Variants in ADCK1 observed in about 807,000 individuals in gnomAD.
ADCK1 encodes the protein aarF domain-containing protein kinase 1.
In ADCK1, 41 loss-of-function variants were observed where a neutral mutation model predicts 52.3. The observed-to-expected ratio is 0.78, with a 90% CI of 0.61 to 1.02. The LOEUF is 1.02. Among genes scored for constraint, ADCK1 ranks in the 50% least tolerant of loss-of-function variants. ADCK1 has a pLI of 0.00. For missense variants in ADCK1, 658 were observed against 679.5 expected (o/e 0.97, Z 0.35); for synonymous variants, 250 against 274.6 (o/e 0.91, Z 0.89).
intron 2 of ADCK1, 21 bp downstream of exon 2, chr14:77,819,134 G>C: frequency 1.9e-6 from 3 of 1,613,256 alleles, no homozygotes; most frequent in Non-Finnish European, 2.5e-6. Context: ...CCCTTTTGGG[G>C]GTAGCAGAGA....
chr14:77,837,964 G>T (rs1182902340), intron 3 of ADCK1, among the ~76,000 whole-genome samples: 1 of 152,162 alleles, frequency 6.6e-6, no homozygotes, highest in Non-Finnish European at 1.5e-5. Context: ...GGAATAGCAG[G>T]GCTAGATGGA....
At chr14:77,824,833 T>C (rs79897662) in intron 3 of ADCK1, among the ~76,000 whole-genome samples, 5,525 of 152,330 alleles carry the variant, frequency 0.036, 144 homozygotes, top group Non-Finnish European at 0.054. Context: ...TTTAAAAGTC[T>C]ATAACATTTC....
At position 77,895,852 on chromosome 14, in the gene ADCK1, G is replaced by A. The variant is rs904343388; in HGVS notation, c.583-3248G>A. On this transcript the variant is annotated intron_variant, in intron 5 of 10. Transcript: ENST00000238561. ...TATGTATGTTCATTTTCTGGGCTTCGTAGCGGGTATCAAGTTTTAAAATTG... is the reference window on the plus strand; with the variant it reads ...TATGTATGTTCATTTTCTGGGCTTCATAGCGGGTATCAAGTTTTAAAATTG... 3.3e-5 allele frequency among the ~76,000 whole-genome samples: 5 copies of A among 152,030 alleles called. No individual in the cohort carries two copies. The East Asian group carries it at 5.8e-4, about 18-fold the overall frequency.
intron 3 of ADCK1, among the ~76,000 whole-genome samples, chr14:77,835,412 G>C (rs1392732700): frequency 6.6e-6 from 1 of 152,130 alleles, no homozygotes; most frequent in Admixed American, 6.5e-5. Flanking sequence ...CAGTATTTTG[G>C]ATTCATTGTT....
chr14:77,864,913 A>G (rs1316613040), intron 4 of ADCK1, among the ~76,000 whole-genome samples: 1 of 152,180 alleles, frequency 6.6e-6, no homozygotes, highest in East Asian at 1.9e-4. Flanking sequence ...TGTTCTGTTC[A>G]GACCCTTATC....
chr14:77,892,658 T>G (rs1490086480), intron 5 of ADCK1, among the ~76,000 whole-genome samples: 1 of 147,758 alleles, frequency 6.8e-6, no homozygotes, highest in African/African-American at 2.5e-5. Context: ...AAAAAAGAGA[T>G]CCCTAGCAGA....
At chr14:77,879,693 G>T (rs1267921445) in intron 4 of ADCK1, among the ~76,000 whole-genome samples, 2 of 152,212 alleles carry the variant, frequency 1.3e-5, no homozygotes, top group Non-Finnish European at 2.9e-5. Flanking sequence ...AGCTGCATGT[G>T]TAGGCTGGAT....
chr14:77,875,622 G>A (rs146365490), intron 4 of ADCK1, among the ~76,000 whole-genome samples: 23 of 152,252 alleles, frequency 1.5e-4, no homozygotes, highest in African/African-American at 2.9e-4. Flanking sequence ...CGTCAGCCAC[G>A]AAGTCCTCAT....
chr14:77,920,577 G>A (rs1266797135), intron 7 of ADCK1, among the ~76,000 whole-genome samples: 1 of 152,152 alleles, frequency 6.6e-6, no homozygotes, highest in Non-Finnish European at 1.5e-5. Flanking sequence ...CTTTGGCTAT[G>A]TGGACTTGCC....
In ADCK1 at chr14:77,895,442, A is replaced by G. The variant is rs17106555; in HGVS notation, c.583-3658A>G. On this transcript the variant is annotated intron_variant, in intron 5 of 10. Coordinates refer to ENST00000238561, the MANE Select transcript of ADCK1 (RefSeq NM_020421.4). Reference sequence around the variant, plus strand: ...ATTCATTCATTCATGTGAGTATTCAATAAACATCTGTGGAGTGTTGAGTAG... The same window carrying G: ...ATTCATTCATTCATGTGAGTATTCAGTAAACATCTGTGGAGTGTTGAGTAG... Among the ~76,000 whole-genome samples the G allele has an allele frequency of 7.1e-3, 1,081 of 152,378 alleles. 14 individuals are homozygous for G. Among genetic ancestry groups the G allele is most frequent in the African/African-American group, 0.025 (1,034 of 41,592 alleles).
chr14:77,850,843 G>A (rs749856481), intron 3 of ADCK1, among the ~76,000 whole-genome samples: 4 of 151,036 alleles, frequency 2.6e-5, no homozygotes, highest in Non-Finnish European at 3.0e-5. Context: ...TTTTAGTAGC[G>A]ATGTGGTTTC....
intron 3 of ADCK1, among the ~76,000 whole-genome samples, chr14:77,833,964 G>A (rs2081909782): frequency 2.0e-5 from 3 of 152,128 alleles, no homozygotes; most frequent in Admixed American, 1.3e-4. Flanking sequence ...AAGACAAAGT[G>A]TAAAAAGGAA....
chr14:77,857,936 TC>T (rs1360611929), intron 3 of ADCK1, among the ~76,000 whole-genome samples: 1 of 152,162 alleles, frequency 6.6e-6, no homozygotes, highest in Non-Finnish European at 1.5e-5. Context: ...AGGCTTTAGC[TC>T]CTAGAAGGTA....
chr14:77,826,908 T>C (rs2081720943), intron 3 of ADCK1, among the ~76,000 whole-genome samples: 1 of 152,292 alleles, frequency 6.6e-6, no homozygotes, highest in African/African-American at 2.4e-5. Context: ...GAGCCAGTTC[T>C]GGCCAGTGCG....
At chr14:77,889,087 G>A (rs539352443) in intron 5 of ADCK1, among the ~76,000 whole-genome samples, 10 of 151,702 alleles carry the variant, frequency 6.6e-5, no homozygotes, top group Non-Finnish European at 1.5e-4. Flanking sequence ...TCTCTTGCCT[G>A]CCACCATGTA....
In ADCK1 at chr14:77,857,226, T is replaced by C. The variant is rs1301108264; in HGVS notation, c.220-1850T>C. 2.0e-5 allele frequency among the ~76,000 whole-genome samples: 3 copies of C among 152,100 alleles called. No individual in the cohort carries two copies. In the East Asian group the frequency reaches 5.8e-4, roughly 29 times the overall value. ...ACTTTGGGAGGCCGAGGTGGGTGGA[T>C]TGCTTGAGCCTGGGAGATGGAGACT... is the stretch of plus-strand genomic sequence containing the variant. On this transcript the variant is annotated intron_variant, in intron 3 of 10. Transcript: ENST00000238561.
intron 3 of ADCK1, among the ~76,000 whole-genome samples, chr14:77,834,645 G>C (rs192927149): frequency 1.4e-4 from 21 of 152,196 alleles, no homozygotes; most frequent in African/African-American, 4.6e-4. Flanking sequence ...CCGTTGCTGT[G>C]TGCTGGGCAT....
At chr14:77,911,391 A>T (rs570492936) in intron 7 of ADCK1, among the ~76,000 whole-genome samples, 15 of 150,916 alleles carry the variant, frequency 9.9e-5, no homozygotes, top group Admixed American at 2.6e-4. Context: ...TTTTGCACCA[A>T]CCCAATACCT....
At chr14:77,914,039 G>A (rs576351828) in intron 7 of ADCK1, among the ~76,000 whole-genome samples, 72 of 152,264 alleles carry the variant, frequency 4.7e-4, no homozygotes, top group Admixed American at 9.8e-4. Flanking sequence ...TACTTTTAAA[G>A]TCTTTCAGTT....
Sources: gnomAD v4.1 joint callset for allele counts (sites outside exome capture counted in the v4.1 genomes callset) on GRCh38, gnomAD v4.1.1 for gene constraint, MANE v1.5 for transcripts, NCBI Gene and HGNC (gene_info 2026-07-23, HGNC 2026-07-21) for gene names.